RASSF3: variants seen among roughly 807,000 people sequenced by gnomAD.
RASSF3 encodes Ras association domain family member 3.
In RASSF3, 19 loss-of-function variants were observed where a neutral mutation model predicts 19.9. That is an observed-to-expected ratio of 0.96 (90% CI 0.67 to 1.40). The LOEUF is 1.40. Among genes scored for constraint, RASSF3 ranks in the 40% most tolerant of loss-of-function variants. The pLI is 0.00. For synonymous variants in RASSF3, 110 were observed against 104.2 expected, an observed-to-expected ratio of 1.06 and a Z score of -0.34; for missense variants, 306 against 289.8, an observed-to-expected ratio of 1.06 and a Z score of -0.41.
At chr12:64,649,459 T>TGG (rs1166784739) in intron 1 of RASSF3, among the ~76,000 whole-genome samples, 1 of 152,150 alleles carries the variant, frequency 6.6e-6, no homozygotes, top group African/African-American at 2.4e-5. Context: ...CCGAAAGTGT[T>TGG]GGGATTACAG....
intron 2 of RASSF3, among the ~76,000 whole-genome samples, chr12:64,574,290 G>A (rs1025998141): frequency 8.0e-5 from 12 of 149,726 alleles, no homozygotes; most frequent in Admixed American, 6.7e-4. Flanking sequence ...CAGCCTGGGC[G>A]ACAGAGCGAG....
At chr12:64,573,267 C>G (rs1013432046) in intron 2 of RASSF3, among the ~76,000 whole-genome samples, 1 of 152,134 alleles carries the variant, frequency 6.6e-6, no homozygotes, top group Non-Finnish European at 1.5e-5. Flanking sequence ...GCTGTTATCA[C>G]ACCACTGCAC....
chr12:64,667,540 CTATT>C (rs1872568921), intron 1 of RASSF3, among the ~76,000 whole-genome samples: 1 of 152,180 alleles, frequency 6.6e-6, no homozygotes, highest in Non-Finnish European at 1.5e-5. Context: ...GTCGTAGCTC[CTATT>C]CTAAATGAAC....
intron 1 of RASSF3, among the ~76,000 whole-genome samples, chr12:64,675,277 G>C (rs1872854751): frequency 6.6e-6 from 1 of 151,928 alleles, no homozygotes; most frequent in African/African-American, 2.4e-5. Flanking sequence ...AGTCGCTTAA[G>C]GTTTTCTTGC....
intron 2 of RASSF3, among the ~76,000 whole-genome samples, chr12:64,547,983 A>G (rs1869097928): frequency 6.6e-6 from 1 of 152,104 alleles, no homozygotes; most frequent in South Asian, 2.1e-4. Context: ...CATTGTCTAT[A>G]TGTATTTCTT....
At chr12:64,601,876 G>T (rs1335557965) in intron 2 of RASSF3, among the ~76,000 whole-genome samples, 7 of 152,012 alleles carry the variant, frequency 4.6e-5, no homozygotes, top group African/African-American at 1.7e-4. Context: ...CCCGCACTTT[G>T]GGAGGCCGAG....
At chr12:64,565,906 A>G (rs1162811654) in intron 2 of RASSF3, among the ~76,000 whole-genome samples, 1 of 146,116 alleles carries the variant, frequency 6.8e-6, no homozygotes, top group Non-Finnish European at 1.5e-5. Flanking sequence ...AAAAAAGGAT[A>G]GAAGAGTCTT....
chr12:64,665,821 C>T (rs1350800344), intron 1 of RASSF3, among the ~76,000 whole-genome samples: 1 of 152,246 alleles, frequency 6.6e-6, no homozygotes, highest in Non-Finnish European at 1.5e-5. Context: ...GGTCGCTCTT[C>T]AGCTCTTTCC....
At chr12:64,609,815 G>A (rs1301223144), upstream of RASSF3, among the ~76,000 whole-genome samples, 1 of 152,180 alleles carries the variant, frequency 6.6e-6, no homozygotes, top group Admixed American at 6.6e-5. Flanking sequence ...GTTGCACTGA[G>A]TGCGCCTAAG....
At chr12:64,555,639 C>T (rs1869243581) in intron 2 of RASSF3, among the ~76,000 whole-genome samples, 1 of 151,954 alleles carries the variant, frequency 6.6e-6, no homozygotes. Context: ...GTCCCAGCTA[C>T]TCGGGAGGCT....
intron 1 of RASSF3, among the ~76,000 whole-genome samples, chr12:64,658,698 G>T (rs1872243176): frequency 6.6e-6 from 1 of 152,160 alleles, no homozygotes; most frequent in Non-Finnish European, 1.5e-5. Flanking sequence ...CCACTTGGGA[G>T]GCTGAGGCAT....
intron 1 of RASSF3, among the ~76,000 whole-genome samples, chr12:64,665,386 CCAGT>C (rs774464593): frequency 1.2e-4 from 18 of 152,112 alleles, no homozygotes; most frequent in South Asian, 4.1e-4. Flanking sequence ...TTGAAAGTCT[CCAGT>C]CAGATTGCTT....
intron 1 of RASSF3, among the ~76,000 whole-genome samples, chr12:64,628,042 A>T (rs1871051027): frequency 6.6e-6 from 1 of 152,202 alleles, no homozygotes; most frequent in African/African-American, 2.4e-5. Context: ...GGAGAACCCA[A>T]GTGAGTTGAG....
At chr12:64,605,913 C>T (rs994357583), upstream of RASSF3, among the ~76,000 whole-genome samples, 39 of 146,916 alleles carry the variant, frequency 2.7e-4, no homozygotes, top group South Asian at 2.1e-4. Flanking sequence ...AAAAAAGCAG[C>T]GAGATAATAT....
chr12:64,541,281 C>T (rs867098464), intron 1 of RASSF3, among the ~76,000 whole-genome samples: 1 of 152,066 alleles, frequency 6.6e-6, no homozygotes, highest in African/African-American at 2.4e-5. Context: ...CCACAGCGCC[C>T]GGCCAATGTT....
intron 2 of RASSF3, among the ~76,000 whole-genome samples, chr12:64,559,427 TG>T (rs1403299247): frequency 6.6e-6 from 1 of 151,256 alleles, no homozygotes; most frequent in Non-Finnish European, 1.5e-5. Context: ...TTTTTGTTGT[TG>T]TTGTTGTTGT....
intron 4 of RASSF3, among the ~76,000 whole-genome samples, chr12:64,691,872 A>C (rs919869061): frequency 1.3e-5 from 2 of 152,142 alleles, no homozygotes; most frequent in Non-Finnish European, 2.9e-5. Context: ...CCATCCAGAG[A>C]GTCATTTTCA....
intron 1 of RASSF3, among the ~76,000 whole-genome samples, chr12:64,623,464 A>G (rs1870866511): frequency 6.6e-6 from 1 of 152,172 alleles, no homozygotes; most frequent in Admixed American, 6.5e-5. Flanking sequence ...ACTTGACTGT[A>G]GTGAGTAATT....
chr12:64,688,503 G>A, intron 3 of RASSF3, 50 bp downstream of exon 3: 2 of 1,313,002 alleles, frequency 1.5e-6, no homozygotes, highest in Non-Finnish European at 2.2e-6. Context: ...ACTTGCATCT[G>A]CTGTTCTCAT....
Sources: allele counts gnomAD v4.1 joint callset (sites outside exome capture counted in the v4.1 genomes callset), GRCh38; gene constraint gnomAD v4.1.1; transcripts MANE v1.5; gene names NCBI Gene and HGNC (gene_info 2026-07-23, HGNC 2026-07-21).